Variants in ZZEF1 observed in about 807,000 individuals in gnomAD.
ZZEF1 encodes zinc finger ZZ-type and EF-hand domain containing 1.
Under a neutral mutation model 342.8 loss-of-function variants are expected in ZZEF1, and 157 were observed. That is an observed-to-expected ratio of 0.46 (90% confidence interval 0.40 to 0.52). The LOEUF (loss-of-function observed/expected upper bound fraction) is 0.52. Among genes scored for constraint, ZZEF1 ranks in the 20% least tolerant of loss-of-function variants. The pLI, the probability that ZZEF1 is intolerant of heterozygous loss-of-function variation, is 0.00. For missense variants in ZZEF1, 3,480 were observed against 3,725.6 expected (o/e 0.93, Z 1.72); for synonymous variants, 1,505 against 1,429.1 (o/e 1.05, Z -1.20).
chr17:4,027,312 T>TTTTTTTTA (rs2056432735), intron 42 of ZZEF1, among the ~76,000 whole-genome samples: 1 of 144,846 alleles, frequency 6.9e-6, no homozygotes, highest in Non-Finnish European at 1.5e-5. Context: ...TTTTTTTTTT[T>TTTTTTTTA]GAGAGAAGTC....
At chr17:4,097,062 C>T (rs1472330189) in intron 9 of ZZEF1, among the ~76,000 whole-genome samples, 1 of 151,870 alleles carries the variant, frequency 6.6e-6, no homozygotes, top group African/African-American at 2.4e-5. Flanking sequence ...GAGACGGAGA[C>T]CATCCTGGCT....
intron 42 of ZZEF1, among the ~76,000 whole-genome samples, chr17:4,031,783 T>G (rs2056553331): frequency 6.6e-6 from 1 of 152,236 alleles, no homozygotes; most frequent in African/African-American, 2.4e-5. Flanking sequence ...TGCAGCCACC[T>G]GACTCCATGT....
Position 4,072,658 on chromosome 17 carries a change from A to C in ZZEF1, c.3784T>G (p.Leu1262Val), listed in dbSNP as rs2057532595. Residue 1262 changes from leucine (L) to valine (V), a missense_variant, in exon 25 of 55, where the codon TTG becomes GTG. Transcript: ENST00000381638. ...GTGGGCCAGCTTGCTTCTAATTCCA[A>C]CTCTGGACAAACCTGATGCCTGAAG... ...PVFRHQVCPE[L>V]ELEASWPTHP... is the part of the protein sequence containing the mutation. 6.2e-7 allele frequency: 1 copy of C among 1,613,786 alleles called. No homozygotes were observed. The highest frequency in any genetic ancestry group is 1.1e-5 in the South Asian group (1 of 91,008).
intron 1 of ZZEF1, among the ~76,000 whole-genome samples, chr17:4,136,606 C>G (rs1434214942): frequency 1.3e-5 from 2 of 152,084 alleles, no homozygotes; most frequent in Non-Finnish European, 2.9e-5. Context: ...GCAGAATGAG[C>G]AGACTCATAA....
At chr17:4,063,601 A>C (rs997932623) in intron 29 of ZZEF1, among the ~76,000 whole-genome samples, 1 of 152,066 alleles carries the variant, frequency 6.6e-6, no homozygotes, top group Non-Finnish European at 1.5e-5. Flanking sequence ...TTGCTCTATC[A>C]CCCAGGCTGG....
Position 4,112,702 on chromosome 17 carries a change from C to T in ZZEF1, c.973G>A (p.Ala325Thr), listed in dbSNP as rs761949366. The T allele has an allele frequency of 4.3e-6, 7 of 1,614,120 alleles. No individual in the cohort carries two copies. The highest frequency in any genetic ancestry group is 2.2e-5 in the East Asian group (1 of 44,904). The change falls in exon 5 of 55, where the codon GCC (alanine) becomes ACC (threonine). Residue 325 changes from alanine (A) to threonine (T), a missense_variant. Ala to Thr is a moderately conservative substitution (Grantham distance 58). Around this residue, in one of 5 missense-constraint regions of ZZEF1, gnomAD observed 92 missense variants for 130.3 expected, o/e 0.71. Coordinates refer to ENST00000381638, the MANE Select transcript of ZZEF1 (RefSeq NM_015113.4). ...TCTCGGACTTCCTGAAGATCGCTGG[C>T]ATTCCTCCCTACAGCTACTGTCACC... The part of the protein sequence containing the change: ...QQVTVAVGRN[A>T]SDLQEVRDVH...
At chr17:4,121,968 C>T (rs565901141) in intron 2 of ZZEF1, among the ~76,000 whole-genome samples, 73 of 152,232 alleles carry the variant, frequency 4.8e-4, no homozygotes, top group African/African-American at 1.7e-3. Context: ...CCTTCCACTT[C>T]GGCTTCCCAA....
At position 4,062,806 on chromosome 17, in the gene ZZEF1, T is replaced by G; in HGVS notation, c.4830A>C (p.Pro1610=). 1 of 1,612,636 alleles carries G rather than the reference T, an allele frequency of 6.2e-7. No individual in the cohort carries two copies. ...ESLGQPHCFH[P]PFILFLLELL... ...GTTCCAACAGGAAAAGTATGAAAGG[T>G]GGATGGAAGCAGTGGGGCTGCCCAA... Residue 1610 remains proline, a synonymous_variant, in exon 30 of 55, where the codon CCA becomes CCC. Transcript: ENST00000381638.
At chr17:4,044,783 C>G (rs2056877264) in intron 37 of ZZEF1, among the ~76,000 whole-genome samples, 1 of 152,022 alleles carries the variant, frequency 6.6e-6, no homozygotes, top group African/African-American at 2.4e-5. Flanking sequence ...TCTTTAAGTG[C>G]TGGGATTACA....
At chr17:4,021,403 G>A in intron 44 of ZZEF1, 83 bp from the exon 45 acceptor site, 1 of 1,150,324 alleles carries the variant, frequency 8.7e-7, no homozygotes. Context: ...AAAATATTGG[G>A]CCTAACTTTT....
At chr17:4,033,281 A>T in intron 40 of ZZEF1, 1 of 336,170 alleles carries the variant, frequency 3.0e-6, no homozygotes, top group Non-Finnish European at 5.5e-6. Context: ...AACACAGAAG[A>T]AAATGTAGTG....
At position 4,034,031 on chromosome 17, in the gene ZZEF1, C is replaced by A. The variant is rs369603699; in HGVS notation, c.6568G>T (p.Ala2190Ser). The A allele has an allele frequency of 1.2e-6, 2 of 1,613,978 alleles. No homozygotes were observed. The highest frequency in any genetic ancestry group is 1.3e-5 in the African/African-American group (1 of 74,924). Residue 2190 changes from alanine (A) to serine (S), a missense_variant, in exon 40 of 55, where the codon GCT (alanine) becomes TCT (serine). Ala to Ser is a moderately conservative substitution (Grantham distance 99). This residue lies in a region of ZZEF1 where 1,269 missense variants were observed against 1,342.4 expected (regional missense o/e 0.95). Coordinates refer to ENST00000381638, the MANE Select transcript of ZZEF1 (RefSeq NM_015113.4). ...KTTHLLFSLG[A>S]VCLDSRVGLD... Reference sequence around the variant, plus strand: ...CAAGGCTACCTGTCCAGACACACAGCTCCCAGGCTAAAGAGCAGGTGGGTG... The same window carrying A: ...CAAGGCTACCTGTCCAGACACACAGATCCCAGGCTAAAGAGCAGGTGGGTG...
At chr17:4,083,726 C>T (rs1186129237) in intron 16 of ZZEF1, among the ~76,000 whole-genome samples, 2 of 151,254 alleles carry the variant, frequency 1.3e-5, no homozygotes, top group African/African-American at 4.9e-5. Context: ...CAACCTCTGC[C>T]TCTCGGGTTC....
At chr17:4,029,946 A>G (rs1234060677) in intron 42 of ZZEF1, among the ~76,000 whole-genome samples, 1 of 151,214 alleles carries the variant, frequency 6.6e-6, no homozygotes, top group Non-Finnish European at 1.5e-5. Flanking sequence ...CTGTTATCCC[A>G]GCACTTTGGG....
intron 39 of ZZEF1, among the ~76,000 whole-genome samples, chr17:4,040,960 A>G (rs4790554): frequency 0.31 from 46,450 of 152,116 alleles, 7,246 homozygotes; most frequent in Admixed American, 0.42. Context: ...GTGCAGCTCT[A>G]ATTGACACAG....
intron 25 of ZZEF1, chr17:4,071,196 GGA>G: frequency 5.5e-6 from 2 of 363,290 alleles, no homozygotes; most frequent in Non-Finnish European, 9.8e-6. Flanking sequence ...AGAATTCAAA[GGA>G]GAGAGATCCT....
intron 7 of ZZEF1, among the ~76,000 whole-genome samples, chr17:4,105,406 C>T (rs1170480360): frequency 6.6e-6 from 1 of 152,156 alleles, no homozygotes; most frequent in Non-Finnish European, 1.5e-5. Context: ...TGAGGGAAGG[C>T]TATGCCAGTT....
At chr17:4,062,634 C>A in intron 30 of ZZEF1, 119 bp downstream of exon 30, 4 of 1,206,270 alleles carry the variant, frequency 3.3e-6, no homozygotes, top group South Asian at 1.8e-5. Flanking sequence ...ATGAATTAAC[C>A]AAAAACGTAC....
chr17:4,125,156 C>T (rs190621229), intron 1 of ZZEF1, among the ~76,000 whole-genome samples: 43 of 152,260 alleles, frequency 2.8e-4, no homozygotes, highest in Admixed American at 5.9e-4. Flanking sequence ...AGACTTACCT[C>T]ACTTAGCAAC....
Sources: gnomAD v4.1 joint callset for allele counts (sites outside exome capture counted in the v4.1 genomes callset) on GRCh38, gnomAD v4.1.1 for gene constraint, gnomAD v4.1.1 regional missense constraint, MANE v1.5 for transcripts, NCBI Gene and HGNC (gene_info 2026-07-23, HGNC 2026-07-21) for gene names.